The following SMAD6 variants were observed in gnomAD, a reference collection of about 807,000 sequenced individuals.
SMAD6 encodes MAD homolog 6.
SMAD6 carries 103 observed loss-of-function variants against 39.4 expected under a neutral mutation model. That is an observed-to-expected ratio of 2.62 (90% CI 2.23 to 3.08). SMAD6 has a LOEUF of 3.08. Among genes scored for constraint, SMAD6 ranks in the 30% most tolerant of loss-of-function variants. The probability of loss-of-function intolerance (pLI) is 0.00; values close to 1 mark genes in which losing one functional copy is unlikely to be tolerated. For synonymous variants in SMAD6, 445 were observed against 353.3 expected, an observed-to-expected ratio of 1.26 and a Z score of -2.91; for missense variants, 1,104 against 742.9, an observed-to-expected ratio of 1.49 and a Z score of -5.65.
At chr15:66,741,456 C>G (rs1376977695) in intron 3 of SMAD6, among the ~76,000 whole-genome samples, 3 of 152,226 alleles carry the variant, frequency 2.0e-5, no homozygotes, top group Non-Finnish European at 4.4e-5. Flanking sequence ...GGTCCTTTTC[C>G]TGCTCCTGGC....
intron 3 of SMAD6, among the ~76,000 whole-genome samples, chr15:66,744,477 C>A (rs1045224250): frequency 1.3e-5 from 2 of 152,218 alleles, no homozygotes; most frequent in African/African-American, 2.4e-5. Flanking sequence ...GGGGCCATGG[C>A]CACCACTTCC....
chr15:66,745,242 C>T (rs989114096), intron 3 of SMAD6, among the ~76,000 whole-genome samples: 8 of 152,184 alleles, frequency 5.3e-5, no homozygotes, highest in African/African-American at 1.7e-4. Context: ...CCCAGCCACA[C>T]ATCCTGCTTT....
rs894920054 is a variant in SMAD6 at position 66,747,072 on chromosome 15, T to G, written c.952+30574T>G. Among the ~76,000 whole-genome samples, 14 of 152,234 alleles carry G rather than the reference T, an allele frequency of 9.2e-5. No individual in the cohort carries two copies. Among genetic ancestry groups the G allele is most frequent in the African/African-American group, 3.1e-4 (13 of 41,462 alleles). ...GCTAGAATAGCACTAATACATAAAT[T>G]TCTTCTGGCTTGATTTTCATTTTAC... On this transcript the variant is annotated intron_variant, in intron 3 of 3. Transcript: ENST00000288840. The surrounding 1 kb of genome is among the most constrained non-coding windows in gnomAD (Gnocchi z 4.5).
intron 3 of SMAD6, among the ~76,000 whole-genome samples, chr15:66,768,252 A>C (rs1346747194): frequency 2.0e-5 from 3 of 152,186 alleles, no homozygotes; most frequent in East Asian, 1.9e-4. Flanking sequence ...GATTATAGGC[A>C]TGAGCCACCA....
At chr15:66,759,545 ATG>A (rs1265073433) in intron 3 of SMAD6, among the ~76,000 whole-genome samples, 1 of 152,302 alleles carries the variant, frequency 6.6e-6, no homozygotes, top group East Asian at 1.9e-4. Flanking sequence ...CTTTGTGACT[ATG>A]GATTGCAGCA....
chr15:66,750,933 G>C (rs1401836291), intron 3 of SMAD6, among the ~76,000 whole-genome samples: 1 of 152,194 alleles, frequency 6.6e-6, no homozygotes, highest in Non-Finnish European at 1.5e-5. Context: ...GCATGGAATT[G>C]GGGGCTGAGG....
chr15:66,737,952 C>T (rs570082660), intron 3 of SMAD6, among the ~76,000 whole-genome samples: 1 of 152,064 alleles, frequency 6.6e-6, no homozygotes, highest in East Asian at 1.9e-4. Flanking sequence ...GAGAGGGAAC[C>T]CTGGGGTACC....
chr15:66,737,450 C>T (rs1262608760), intron 3 of SMAD6, among the ~76,000 whole-genome samples: 5 of 152,222 alleles, frequency 3.3e-5, no homozygotes, highest in Non-Finnish European at 5.9e-5. Context: ...ACCCACTTTG[C>T]TGCTAGCTCA....
chr15:66,718,404 T>C lies in SMAD6; in HGVS notation c.952+1906T>C, dbSNP rs542479905. ...CCGGATATCCCAGAGCAGTCTTTGGTACTGGGTGGTGAGAAGGTCCCTGCT... is the reference window on the plus strand; with the variant it reads ...CCGGATATCCCAGAGCAGTCTTTGGCACTGGGTGGTGAGAAGGTCCCTGCT... On this transcript the variant is annotated intron_variant, in intron 3 of 3. Transcript: ENST00000288840. Among the ~76,000 whole-genome samples, 50 of 152,266 alleles carry C rather than the reference T, an allele frequency of 3.3e-4. 1 individual carries two copies. The highest frequency in any genetic ancestry group is 3.4e-3 in the Middle Eastern group (1 of 294).
intron 3 of SMAD6, among the ~76,000 whole-genome samples, chr15:66,764,984 T>G (rs1894264383): frequency 6.6e-6 from 1 of 152,132 alleles, no homozygotes; most frequent in Non-Finnish European, 1.5e-5. Flanking sequence ...GCTGGTCCCC[T>G]TGTTTCTCGG....
Position 66,703,936 on chromosome 15 carries a change from C to G in SMAD6, c.678C>G (p.Leu226=), listed in dbSNP as rs1893046159. ...AGCCCGCGCCGCCGCAGCTGCTGCTCGGCCGCCTCTTTCGCTGGCCCGACC... is the reference window on the plus strand; with the variant it reads ...AGCCCGCGCCGCCGCAGCTGCTGCTGGGCCGCCTCTTTCGCTGGCCCGACC... ...GGQPAPPQLL[L]GRLFRWPDLQ... is the part of the protein sequence containing the mutation. Residue 226 remains leucine (L), a synonymous_variant, in exon 1 of 4, where the codon CTC becomes CTG. Transcript: ENST00000288840. The G allele has an allele frequency of 7.3e-7, 1 of 1,376,334 alleles. No individual in the cohort carries two copies. Among genetic ancestry groups the G allele is most frequent in the Non-Finnish European group, 9.4e-7 (1 of 1,063,142 alleles). The allele number at this position is 1,376,334 out of a possible 1,614,324, so 85.3% of individuals were successfully genotyped here. A position where few individuals can be genotyped will look rare whatever the true frequency, so the allele number is the denominator to read the frequency against.
intron 3 of SMAD6, among the ~76,000 whole-genome samples, chr15:66,763,488 C>T (rs900281249): frequency 6.6e-6 from 1 of 152,216 alleles, no homozygotes; most frequent in Admixed American, 6.5e-5. Context: ...GAGCAGCCCT[C>T]GGTATTTCCA....
At chr15:66,726,291 G>A (rs960499840) in intron 3 of SMAD6, among the ~76,000 whole-genome samples, 2 of 152,180 alleles carry the variant, frequency 1.3e-5, no homozygotes, top group African/African-American at 4.8e-5. Context: ...GGTTATGTTT[G>A]TGATTCACAG....
chr15:66,722,268 G>T (rs1282332852), intron 3 of SMAD6, among the ~76,000 whole-genome samples: 1 of 152,236 alleles, frequency 6.6e-6, no homozygotes, highest in Non-Finnish European at 1.5e-5. Context: ...AGTGCTCATT[G>T]CCTGTGGGTC....
intron 3 of SMAD6, among the ~76,000 whole-genome samples, chr15:66,721,758 G>A (rs1005997157): frequency 6.6e-6 from 1 of 152,200 alleles, no homozygotes; most frequent in Non-Finnish European, 1.5e-5. Flanking sequence ...AGGGCTAGGG[G>A]CACAGAGATA....
chr15:66,781,337 C>G lies in SMAD6; in HGVS notation c.1293C>G (p.Pro431=). 1.9e-6 allele frequency: 3 copies of G among 1,599,134 alleles called. No individual in the cohort carries two copies. The highest frequency in any genetic ancestry group is 2.6e-6 in the Non-Finnish European group (3 of 1,174,446). ...GGRALVVRKV[P]PGYSIKVFDF... is the part of the protein sequence containing the mutation. ...GCGCCCTGGTCGTGCGCAAGGTGCC[C>G]CCCGGCTACTCCATCAAGGTGTTCG... Residue 431 remains proline (P), a synonymous_variant, in exon 4 of 4, where the codon CCC becomes CCG. Coordinates refer to ENST00000288840, the MANE Select transcript of SMAD6 (RefSeq NM_005585.5).
chr15:66,740,089 C>T (rs1893787477), intron 3 of SMAD6, among the ~76,000 whole-genome samples: 1 of 152,248 alleles, frequency 6.6e-6, no homozygotes, highest in Admixed American at 6.5e-5. Flanking sequence ...GAGTTCTTAG[C>T]TTGTGAGTTG....
intron 2 of SMAD6, among the ~76,000 whole-genome samples, chr15:66,714,834 G>T (rs1233199516): frequency 6.6e-6 from 1 of 152,186 alleles, no homozygotes; most frequent in Non-Finnish European, 1.5e-5. Flanking sequence ...GAAACCGCTT[G>T]TCGTTTCCAC....
In SMAD6 at chr15:66,703,878, T is replaced by C. The variant is rs1354683586; in HGVS notation, c.620T>C (p.Leu207Pro). Residue 207 changes from leucine (L) to proline (P), a missense_variant, in exon 1 of 4, where the codon CTG becomes CCG. Transcript: ENST00000288840. ...SRGGVPGGCVLVPRADLRLGG... is the reference protein window; with the variant it reads ...SRGGVPGGCVPVPRADLRLGG... ...GGCGGCGTGCCGGGCGGCTGCGTGC[T>C]GGTGCCGCGCGCCGACCTCCGCCTG... is the stretch of plus-strand genomic sequence containing the variant. The C allele has an allele frequency of 7.6e-7, 1 of 1,320,232 alleles. No homozygotes were observed. The highest frequency in any genetic ancestry group is 2.1e-5 in the South Asian group (1 of 47,892). 81.8% of individuals were successfully genotyped at this position (1,320,232 alleles called of 1,614,324 possible). A position where few individuals can be genotyped will look rare whatever the true frequency, so the allele number is the denominator to read the frequency against.
Sources: allele counts gnomAD v4.1 joint callset (sites outside exome capture counted in the v4.1 genomes callset), GRCh38; gene constraint gnomAD v4.1.1; non-coding constraint Gnocchi (gnomAD v3.1); transcripts MANE v1.5; gene names NCBI Gene and HGNC (gene_info 2026-07-23, HGNC 2026-07-21).